Variants in ESYT2 observed in about 807,000 individuals in gnomAD.
ESYT2 encodes extended synaptotagmin 2.
A neutral mutation model predicts 107.2 loss-of-function variants in ESYT2; 54 were observed. That is an observed-to-expected ratio of 0.50 (90% CI 0.40 to 0.63). The LOEUF is 0.63. Ranked by LOEUF, ESYT2 falls within the 30% of genes least tolerant of loss-of-function variation. The pLI, the probability that ESYT2 is intolerant of heterozygous loss-of-function variation, is 0.00. For missense variants in ESYT2, 1,020 were observed against 1,094.5 expected (o/e 0.93, Z 0.96); for synonymous variants, 491 against 434.1 (o/e 1.13, Z -1.63).
intron 13 of ESYT2, among the ~76,000 whole-genome samples, chr7:158,755,985 T>C (rs1396145677): frequency 1.3e-5 from 2 of 152,240 alleles, no homozygotes; most frequent in Non-Finnish European, 2.9e-5. Flanking sequence ...CTGCACGTTG[T>C]GCACATGTAC....
chr7:158,799,002 G>A (rs751659823), intron 2 of ESYT2, 29 bp downstream of exon 2: 19 of 1,594,190 alleles, frequency 1.2e-5, no homozygotes, highest in South Asian at 3.4e-5. Context: ...TTCCACTGAT[G>A]GATGGTAGTT....
chr7:158,772,445 T>TTA (rs1307658269), intron 7 of ESYT2, among the ~76,000 whole-genome samples: 22 of 152,218 alleles, frequency 1.4e-4, no homozygotes, highest in African/African-American at 5.1e-4. Flanking sequence ...GTTTCATAAT[T>TTA]TTCTAAACTA....
At chr7:158,803,693 A>G (rs1839712767) in intron 1 of ESYT2, among the ~76,000 whole-genome samples, 1 of 152,248 alleles carries the variant, frequency 6.6e-6, no homozygotes, top group Admixed American at 6.5e-5. Context: ...CCAAGGTTCT[A>G]ACACACACAG....
Position 158,748,265 on chromosome 7 carries a change from T to C in ESYT2, c.1573A>G (p.Asn525Asp). 6.2e-7 allele frequency: 1 copy of C among 1,614,096 alleles called. No homozygotes were observed. Among genetic ancestry groups the C allele is most frequent in the South Asian group, 1.1e-5 (1 of 91,080 alleles). The part of the protein sequence containing the change: ...AQESKIRYKT[N>D]EPVWEENFTF... ...AAGTTTTCCTCCCACACAGGTTCATTGGTTTTGTATCGAATCTAGAAGAAA... is the reference window on the plus strand; with the variant it reads ...AAGTTTTCCTCCCACACAGGTTCATCGGTTTTGTATCGAATCTAGAAGAAA... Residue 525 changes from asparagine to aspartate, a missense_variant, in exon 16 of 23, where the codon AAT becomes GAT. Asn to Asp is a conservative substitution (Grantham distance 23, BLOSUM62 1). Coordinates refer to ENST00000275418, the MANE Select transcript of ESYT2 (RefSeq NM_001367773.1).
At chr7:158,746,933 TC>T (rs1407053506) in intron 16 of ESYT2, among the ~76,000 whole-genome samples, 2 of 152,174 alleles carry the variant, frequency 1.3e-5, no homozygotes, top group African/African-American at 4.8e-5. Flanking sequence ...CTGCCTGTAG[TC>T]CCAGCTACTC....
chr7:158,814,636 T>G (rs66942830), intron 1 of ESYT2, among the ~76,000 whole-genome samples: 1 of 152,070 alleles, frequency 6.6e-6, no homozygotes, highest in Non-Finnish European at 1.5e-5. Flanking sequence ...AAACTCCCAC[T>G]GGCTAACAAG....
intron 1 of ESYT2, among the ~76,000 whole-genome samples, chr7:158,822,781 A>G (rs1220868584): frequency 6.6e-6 from 1 of 152,108 alleles, no homozygotes; most frequent in East Asian, 1.9e-4. Context: ...ACTCCAGCTC[A>G]AAAAATAAAG....
chr7:158,820,693 G>A (rs1360715433), intron 1 of ESYT2, among the ~76,000 whole-genome samples: 1 of 152,212 alleles, frequency 6.6e-6, no homozygotes, highest in African/African-American at 2.4e-5. Context: ...GGCTGAGGCG[G>A]GAGGGGTGAC....
chr7:158,801,411 A>G (rs1205342524), intron 1 of ESYT2, among the ~76,000 whole-genome samples: 3 of 152,240 alleles, frequency 2.0e-5, no homozygotes, highest in Admixed American at 2.0e-4. Flanking sequence ...AGAATATATC[A>G]GATTTGAACA....
intron 16 of ESYT2, among the ~76,000 whole-genome samples, chr7:158,746,977 A>T (rs12673191): frequency 0.13 from 19,540 of 152,174 alleles, 1,837 homozygotes; most frequent in East Asian, 0.43. Context: ...ACTTGAACCC[A>T]GGAGTTGGAG....
intron 1 of ESYT2, among the ~76,000 whole-genome samples, chr7:158,800,137 C>A (rs1162757348): frequency 6.6e-6 from 1 of 151,764 alleles, no homozygotes; most frequent in African/African-American, 2.4e-5. Flanking sequence ...CAACCTCCGC[C>A]TCCCGGGTTC....
intron 7 of ESYT2, among the ~76,000 whole-genome samples, chr7:158,770,053 A>G (rs1838299976): frequency 6.6e-6 from 1 of 151,896 alleles, no homozygotes; most frequent in East Asian, 1.9e-4. Flanking sequence ...CCCACGCCCA[A>G]CTAATTTTTG....
intron 3 of ESYT2, among the ~76,000 whole-genome samples, chr7:158,796,783 G>A (rs1205458681): frequency 6.6e-5 from 10 of 152,138 alleles, no homozygotes; most frequent in South Asian, 4.2e-4. Context: ...AAGGCACCGC[G>A]GCGGGAGGCA....
chr7:158,763,492 A>G (rs1463493931), intron 9 of ESYT2, among the ~76,000 whole-genome samples: 1 of 151,968 alleles, frequency 6.6e-6, no homozygotes, highest in African/African-American at 2.4e-5. Flanking sequence ...ATGGGGTTTC[A>G]CCATGTTGGC....
Position 158,782,294 on chromosome 7 carries a change from A to AG in ESYT2, c.747+5709_747+5710insC, listed in dbSNP as rs141572147. ...GAGAACAAAATGTGAGAAATGTGTG[A>AG]AACAAGTGAACAAGTGTGAGTGAAC... On this transcript the variant is annotated intron_variant, in intron 6 of 22. Coordinates refer to ENST00000275418, the MANE Select transcript of ESYT2 (RefSeq NM_001367773.1). Among the ~76,000 whole-genome samples, 14 of 147,886 alleles carry AG rather than the reference A, an allele frequency of 9.5e-5. No individual in the cohort carries two copies. In the East Asian group the frequency reaches 2.4e-3, roughly 25 times the overall value.
In ESYT2 at chr7:158,733,968, A is replaced by G; in HGVS notation, c.*239T>C. On this transcript the variant is annotated 3_prime_UTR_variant, in exon 23 of 23. Transcript: ENST00000275418. The stretch of plus-strand genomic sequence containing the variant: ...AGCAGAGTCCACAGACACAAGAGCT[A>G]CCGCCGCCCTACTGCACGTTGTAGG... 2.0e-6 allele frequency: 1 copy of G among 512,338 alleles called. No homozygotes were observed. The highest frequency in any genetic ancestry group is 2.1e-5 in the South Asian group (1 of 47,674). The allele number at this position is 512,338 out of a possible 1,614,324, so 31.7% of individuals were successfully genotyped here.
Position 158,741,578 on chromosome 7 carries a change from T to C in ESYT2, c.2113A>G (p.Ile705Val). ...KEPTPSIASDISLPIATQELR... is the reference protein window; with the variant it reads ...KEPTPSIASDVSLPIATQELR... ...TCCTGGGTGGCGATGGGCAGCGAGA[T>C]GTCCGAGGCGATGCTGGGGGTCGGC... Residue 705 changes from isoleucine to valine, a missense_variant, in exon 18 of 23, where the codon ATC (isoleucine) becomes GTC (valine). Transcript: ENST00000275418. The C allele has an allele frequency of 6.2e-7, 1 of 1,607,822 alleles. No homozygotes were observed. Among genetic ancestry groups the C allele is most frequent in the Non-Finnish European group, 8.5e-7 (1 of 1,179,376 alleles).
At chr7:158,759,634 C>T (rs1837891668) in intron 12 of ESYT2, 53 bp from the exon 13 acceptor site, 3 of 1,421,992 alleles carry the variant, frequency 2.1e-6, no homozygotes, top group South Asian at 1.2e-5. Context: ...GGATTAGATA[C>T]TATTTCTATC....
chr7:158,736,020 A>G (rs577476379), intron 20 of ESYT2, among the ~76,000 whole-genome samples: 12 of 152,290 alleles, frequency 7.9e-5, no homozygotes, highest in African/African-American at 2.6e-4. Context: ...ACCATCTCCA[A>G]TAAAAAAAAG....
Sources: gnomAD v4.1 joint callset for allele counts (sites outside exome capture counted in the v4.1 genomes callset) on GRCh38, gnomAD v4.1.1 for gene constraint, MANE v1.5 for transcripts, NCBI Gene and HGNC (gene_info 2026-07-23, HGNC 2026-07-21) for gene names.